Variants in IL21R observed in about 807,000 individuals in gnomAD.
IL21R encodes the protein interleukin 21 receptor, also known as interleukin-21 receptor.
In IL21R, 14 loss-of-function variants were observed where a neutral mutation model predicts 41.3. The ratio of observed to expected loss-of-function variants is 0.34; its 90% CI spans 0.22 to 0.53. IL21R has a LOEUF of 0.53. Ranked by LOEUF, IL21R falls within the 20% of genes least tolerant of loss-of-function variation. The pLI, the probability that IL21R is intolerant of heterozygous loss-of-function variation, is 0.94. For missense variants in IL21R, 588 were observed against 681.6 expected (o/e 0.86, Z 1.53); for synonymous variants, 286 against 287.6 (o/e 0.99, Z 0.05).
chr16:27,403,253 G>C, intron 1 of IL21R: 2 of 1,325,300 alleles, frequency 1.5e-6, no homozygotes, highest in Non-Finnish European at 2.0e-6. Context: ...TGTGCATGTG[G>C]AGGAGAGGAG....
At chr16:27,440,470 G>T (rs1309837135) in intron 4 of IL21R, among the ~76,000 whole-genome samples, 1 of 152,012 alleles carries the variant, frequency 6.6e-6, no homozygotes, top group African/African-American at 2.4e-5. Context: ...CTGGGATCTT[G>T]CTGTGTTGTC....
intron 1 of IL21R, among the ~76,000 whole-genome samples, chr16:27,410,828 C>G (rs569007803): frequency 1.3e-5 from 2 of 152,320 alleles, no homozygotes; most frequent in South Asian, 2.1e-4. Context: ...TTTCATTTCT[C>G]CCTCCCCCAG....
chr16:27,437,852 G>A (rs3093345), intron 4 of IL21R, among the ~76,000 whole-genome samples, 165 bp downstream of exon 4: 1,857 of 152,140 alleles, frequency 0.012, 22 homozygotes, highest in South Asian at 0.03. Flanking sequence ...TAGTAGAGAC[G>A]GGGATCTTGC....
intron 1 of IL21R, chr16:27,403,128 C>T: frequency 1.2e-6 from 1 of 867,770 alleles, no homozygotes; most frequent in Non-Finnish European, 1.7e-6. Context: ...CTCGGTGACT[C>T]AACTGGGACG....
intron 4 of IL21R, among the ~76,000 whole-genome samples, chr16:27,441,046 CAAAAAAAAAAAA>C (rs35321284): frequency 1.5e-5 from 1 of 68,382 alleles, no homozygotes; most frequent in Non-Finnish European, 2.8e-5. Flanking sequence ...GATTCTGTCT[CAAAAAAAAAAAA>C]AAAAAAAAGA....
chr16:27,414,514 T>TG (rs1567357239), intron 1 of IL21R, among the ~76,000 whole-genome samples: 1 of 152,088 alleles, frequency 6.6e-6, no homozygotes, highest in African/African-American at 2.4e-5. Context: ...CTACTTTCCT[T>TG]TAATGTCAAG....
rs144923802 is a variant in IL21R, at chr16:27,437,508, T to A, written c.173T>A (p.Leu58Gln). 32 of 1,613,812 alleles carry A rather than the reference T, an allele frequency of 2.0e-5. No individual in the cohort carries two copies. In the South Asian group the frequency reaches 3.4e-4, roughly 17 times the overall value. ...TGAAGGCAAGACCAGTATGAAGAGC[T>A]GAAGGACGAGGCCACCTCCTGCAGC... ...TLTWQDQYEE[L>Q]KDEATSCSLH... Residue 58 changes from leucine to glutamine, a missense_variant, in exon 4 of 9, where the codon CTG becomes CAG. Physicochemically the swap from Leu to Gln is moderately radical, Grantham distance 113. Coordinates refer to ENST00000337929, the MANE Select transcript of IL21R (RefSeq NM_181078.3).
chr16:27,429,526 C>G (rs2087132718), intron 1 of IL21R, among the ~76,000 whole-genome samples: 1 of 152,166 alleles, frequency 6.6e-6, no homozygotes, highest in Admixed American at 6.5e-5. Flanking sequence ...CATCCCAGCA[C>G]TTTGAGAGGC....
chr16:27,430,243 T>C (rs2087147867), intron 2 of IL21R, 123 bp downstream of exon 2: 1 of 780,500 alleles, frequency 1.3e-6, no homozygotes, highest in Non-Finnish European at 2.1e-6. Flanking sequence ...AAAGATGACA[T>C]CCATGCCCTT....
chr16:27,443,038 A>C lies in IL21R; in HGVS notation c.429A>C (p.Glu143Asp). ...QYNISWRSDY[E>D]DPAFYMLKGK... ...ATATCTCCTGGCGCTCAGATTACGA[A>C]GACCCTGCCTTCTACATGCTGAAGG... The change falls in exon 5 of 9, where the codon GAA (glutamate) becomes GAC (aspartate). Residue 143 changes from glutamate to aspartate, a missense_variant. Transcript: ENST00000337929. 1 of 1,614,086 alleles carries C rather than the reference A, an allele frequency of 6.2e-7. No individual in the cohort carries two copies. Among genetic ancestry groups the C allele is most frequent in the Non-Finnish European group, 8.5e-7 (1 of 1,179,958 alleles).
At chr16:27,417,635 C>T (rs1166020579) in intron 1 of IL21R, among the ~76,000 whole-genome samples, 1 of 130,982 alleles carries the variant, frequency 7.6e-6, no homozygotes, top group Non-Finnish European at 1.6e-5. Context: ...TAGCCTACTA[C>T]ACACCTAGGC....
intron 1 of IL21R, among the ~76,000 whole-genome samples, chr16:27,415,691 G>C (rs2086886214): frequency 6.6e-6 from 1 of 152,164 alleles, no homozygotes. Flanking sequence ...TGAGAAATTA[G>C]GCATCCACCT....
chr16:27,407,588 G>A (rs1419211085), intron 1 of IL21R, among the ~76,000 whole-genome samples: 2 of 152,248 alleles, frequency 1.3e-5, no homozygotes, highest in Non-Finnish European at 2.9e-5. Context: ...TATTTTGGGA[G>A]GCCAAGGAGG....
At chr16:27,445,969 G>A in intron 7 of IL21R, 38 bp from the exon 8 acceptor site, 1 of 1,546,242 alleles carries the variant, frequency 6.5e-7, no homozygotes. Context: ...GCTGCCCTCT[G>A]GTGATGTCAG....
intron 2 of IL21R, 34 bp from the exon 3 acceptor site, chr16:27,434,313 C>T: frequency 1.4e-6 from 2 of 1,394,744 alleles, no homozygotes; most frequent in South Asian, 1.2e-5. Context: ...CAAGCCACCC[C>T]CCACCAAGGC....
intron 1 of IL21R, among the ~76,000 whole-genome samples, chr16:27,417,017 AC>A (rs2086900680): frequency 6.6e-6 from 1 of 152,188 alleles, no homozygotes; most frequent in Admixed American, 6.5e-5. Context: ...TTATCCATTC[AC>A]CAGTCGATAG....
chr16:27,446,814 C>T (rs1049881380), intron 8 of IL21R, among the ~76,000 whole-genome samples: 5 of 152,178 alleles, frequency 3.3e-5, no homozygotes, highest in African/African-American at 1.2e-4. Context: ...GCCTCCAACT[C>T]ACCACCACCC....
At chr16:27,415,425 A>G (rs1044208508) in intron 1 of IL21R, among the ~76,000 whole-genome samples, 2 of 152,256 alleles carry the variant, frequency 1.3e-5, no homozygotes, top group Non-Finnish European at 2.9e-5. Flanking sequence ...GACGAGGTTC[A>G]GTCAAGACAA....
intron 1 of IL21R, among the ~76,000 whole-genome samples, chr16:27,418,407 C>T (rs2086936001): frequency 6.6e-6 from 1 of 151,738 alleles, no homozygotes; most frequent in African/African-American, 2.4e-5. Context: ...CTCACTCTAT[C>T]ACCCAGGCTG....
Sources: allele counts gnomAD v4.1 joint callset (sites outside exome capture counted in the v4.1 genomes callset), GRCh38; gene constraint gnomAD v4.1.1; transcripts MANE v1.5; gene names NCBI Gene and HGNC (gene_info 2026-07-23, HGNC 2026-07-21).